Variants in PRSS12 observed in about 807,000 individuals in gnomAD.
PRSS12 encodes the protein serine protease 12, also known as neurotrypsin.
PRSS12 carries 85 observed loss-of-function variants against 104.4 expected under a neutral mutation model. That is an observed-to-expected ratio of 0.81 (90% CI 0.68 to 0.98). The LOEUF is 0.98. PRSS12 is among the 50% of genes least tolerant of loss of function. The probability of loss-of-function intolerance (pLI) is 0.00; values close to 1 mark genes in which losing one functional copy is unlikely to be tolerated. For missense variants in PRSS12, 1,141 were observed against 1,139.2 expected (o/e 1.00, Z -0.02); for synonymous variants, 454 against 425.2 (o/e 1.07, Z -0.83).
chr4:118,333,459 C>G (rs1190875985), intron 3 of PRSS12, among the ~76,000 whole-genome samples: 1 of 152,188 alleles, frequency 6.6e-6, no homozygotes, highest in Non-Finnish European at 1.5e-5. Flanking sequence ...TAGTGACTAT[C>G]TGCATATACT....
chr4:118,314,161 C>T (rs1171484232), intron 6 of PRSS12, among the ~76,000 whole-genome samples: 1 of 152,048 alleles, frequency 6.6e-6, no homozygotes, highest in Admixed American at 6.6e-5. Flanking sequence ...CCAGAAATCA[C>T]GGAGCTTAAA....
Position 118,352,359 on chromosome 4 carries a change from C to A in PRSS12, c.362G>T (p.Arg121Leu), listed in dbSNP as rs749007610. The A allele has an allele frequency of 1.9e-6, 3 of 1,567,638 alleles. No homozygotes were observed. In the South Asian group the frequency reaches 3.5e-5, roughly 18 times the overall value. Residue 121 changes from arginine (R) to leucine (L), a missense_variant, in exon 1 of 13, where the codon CGG becomes CTG. By Grantham distance (102) the Arg-to-Leu change is moderately radical. Transcript: ENST00000296498. ...CTGAGCCCAGCTCGCTGGGGGCGAC[C>A]GCTCCAGGAAGGGTGGCACCTCCGC... ...RWAEVPPFLE[R>L]SPPASWAQLR...
At chr4:118,298,344 T>G (rs1743302775) in intron 9 of PRSS12, among the ~76,000 whole-genome samples, 1 of 152,216 alleles carries the variant, frequency 6.6e-6, no homozygotes, top group Non-Finnish European at 1.5e-5. Flanking sequence ...TTAGTAAGAC[T>G]TTAGAAATGC....
rs140470579 is a variant in PRSS12 at position 118,335,648 on chromosome 4, T to C, written c.645A>G (p.Gly215=). Residue 215 remains glycine, a synonymous_variant, in exon 3 of 13, where the codon GGA becomes GGG. Coordinates refer to ENST00000296498, the MANE Select transcript of PRSS12 (RefSeq NM_003619.4). ...SVICHQLQLG[G]KGIAKQTPFS... ...ACGGGGTTTGTTTTGCTATTCCTTT[T>C]CCTCTGGAAGTACAATGAGCGATAT... 7.1e-4 allele frequency: 1,146 copies of C among 1,613,874 alleles called. 8 individuals carry two copies. Among genetic ancestry groups the C allele is most frequent in the East Asian group, 2.2e-3 (100 of 44,860 alleles).
At chr4:118,350,923 T>A (rs1338708158) in intron 1 of PRSS12, among the ~76,000 whole-genome samples, 2 of 152,234 alleles carry the variant, frequency 1.3e-5, no homozygotes, top group Non-Finnish European at 2.9e-5. Flanking sequence ...AAAGTCAATG[T>A]TTGCTAAACC....
intron 1 of PRSS12, among the ~76,000 whole-genome samples, chr4:118,343,920 T>TA (rs1010025888): frequency 1.9e-4 from 29 of 152,200 alleles, no homozygotes; most frequent in African/African-American, 6.8e-4. Flanking sequence ...AATCTTTTTT[T>TA]AAAAAATCAC....
chr4:118,325,438 A>G (rs1245833959), intron 4 of PRSS12, among the ~76,000 whole-genome samples: 2 of 152,102 alleles, frequency 1.3e-5, no homozygotes, highest in Admixed American at 1.3e-4. Context: ...AATAACCAGC[A>G]GAATAAACTT....
rs1742814305 is a variant in PRSS12, at chr4:118,280,439, G to GC, written c.*1496dup. On this transcript the variant is annotated 3_prime_UTR_variant, in exon 13 of 13. Coordinates refer to ENST00000296498, the MANE Select transcript of PRSS12 (RefSeq NM_003619.4). ...GCTCTTCTGCATTATATGCAGCATT[G>GC]CAAATCTGCAAAGTAGTAAAACTAT... 1 of 152,212 alleles carries GC rather than the reference G, an allele frequency of 6.6e-6. No homozygotes were observed. The highest frequency in any genetic ancestry group is 1.5e-5 in the Non-Finnish European group (1 of 68,036). The allele number at this position is 152,212 out of a possible 1,614,324, so 9.4% of individuals were successfully genotyped here.
At chr4:118,323,807 T>TA (rs1560778906) in intron 4 of PRSS12, among the ~76,000 whole-genome samples, 3 of 151,206 alleles carry the variant, frequency 2.0e-5, no homozygotes, top group East Asian at 1.9e-4. Flanking sequence ...AACTTGTTTT[T>TA]TATATATATA....
At position 118,340,544 on chromosome 4, in the gene PRSS12, G is replaced by C. The variant is rs28735538; in HGVS notation, c.503-2230C>G. ...ATGAGTATTTATATCATTCTATAAA[G>C]CTCAATTCTTCTAATAATTATTTGA... On this transcript the variant is annotated intron_variant, in intron 1 of 12. Coordinates refer to ENST00000296498, the MANE Select transcript of PRSS12 (RefSeq NM_003619.4). Among the ~76,000 whole-genome samples the C allele has an allele frequency of 6.1e-3, 935 of 152,236 alleles. 9 individuals are homozygous for C. The highest frequency in any genetic ancestry group is 0.021 in the African/African-American group (874 of 41,560).
intron 1 of PRSS12, among the ~76,000 whole-genome samples, chr4:118,340,771 C>G (rs1242804863): frequency 6.6e-6 from 1 of 152,070 alleles, no homozygotes; most frequent in African/African-American, 2.4e-5. Flanking sequence ...GAATGAGGAC[C>G]CAAAGCTATA....
At chr4:118,343,663 A>T (rs1483070500) in intron 1 of PRSS12, among the ~76,000 whole-genome samples, 2 of 152,206 alleles carry the variant, frequency 1.3e-5, no homozygotes, top group African/African-American at 4.8e-5. Context: ...AGGCTGAGGC[A>T]AATGATCGCT....
Position 118,352,201 on chromosome 4 carries a change from C to A in PRSS12, c.502+18G>T. 1 of 1,610,598 alleles carries A rather than the reference C, an allele frequency of 6.2e-7. No individual in the cohort carries two copies. The highest frequency in any genetic ancestry group is 1.1e-5 in the South Asian group (1 of 90,592). On this transcript the variant is annotated intron_variant, in intron 1 of 12. Transcript: ENST00000296498. Reference sequence around the variant, plus strand: ...CGAGCCCGTCCGGAGTTTCCGCGGCCGCCCCGAGGCCACTAACCGTGTCTG... The same window carrying A: ...CGAGCCCGTCCGGAGTTTCCGCGGCAGCCCCGAGGCCACTAACCGTGTCTG...
intron 11 of PRSS12, among the ~76,000 whole-genome samples, chr4:118,285,860 T>C (rs567908377): frequency 6.6e-6 from 1 of 152,316 alleles, no homozygotes; most frequent in East Asian, 1.9e-4. Flanking sequence ...TTAAGTCTTA[T>C]TGCAACAGTA....
chr4:118,340,326 A>T (rs1297518780), intron 1 of PRSS12, among the ~76,000 whole-genome samples: 5 of 152,186 alleles, frequency 3.3e-5, no homozygotes, highest in Non-Finnish European at 7.3e-5. Flanking sequence ...TCCTTTAACA[A>T]ATGAAGACAA....
intron 1 of PRSS12, among the ~76,000 whole-genome samples, chr4:118,340,159 TAAC>T (rs1369652107): frequency 1.3e-5 from 2 of 152,148 alleles, no homozygotes; most frequent in Non-Finnish European, 2.9e-5. Flanking sequence ...ATTATGACCA[TAAC>T]AATATAATAG....
At chr4:118,320,317 C>T (rs1457111918) in intron 4 of PRSS12, among the ~76,000 whole-genome samples, 1 of 151,998 alleles carries the variant, frequency 6.6e-6, no homozygotes. Flanking sequence ...CTGTAATACC[C>T]CACTAATGGT....
At chr4:118,304,106 T>C (rs1256332012) in intron 8 of PRSS12, among the ~76,000 whole-genome samples, 1 of 151,968 alleles carries the variant, frequency 6.6e-6, no homozygotes, top group Admixed American at 6.6e-5. Flanking sequence ...CTTGTTAGCA[T>C]AATTTCTCTC....
chr4:118,320,697 G>A (rs1723594832), intron 4 of PRSS12, among the ~76,000 whole-genome samples: 14 of 152,110 alleles, frequency 9.2e-5, no homozygotes, highest in Admixed American at 6.6e-5. Context: ...AGGCTGCAAT[G>A]ACCCGTGATC....
Sources: gnomAD v4.1 joint callset for allele counts (sites outside exome capture counted in the v4.1 genomes callset) on GRCh38, gnomAD v4.1.1 for gene constraint, MANE v1.5 for transcripts, NCBI Gene and HGNC (gene_info 2026-07-23, HGNC 2026-07-21) for gene names.